Variants in NLRP1 observed in about 807,000 individuals in gnomAD.
NLRP1 encodes NACHT, LRR and PYD domains-containing protein 1.
NLRP1 carries 94 observed loss-of-function variants against 136.7 expected under a neutral mutation model. The ratio of observed to expected loss-of-function variants is 0.69; its 90% CI spans 0.58 to 0.82. The LOEUF is 0.82. Among genes scored for constraint, NLRP1 ranks in the 40% least tolerant of loss-of-function variants. The probability of loss-of-function intolerance (pLI) is 0.00; values close to 1 mark genes in which losing one functional copy is unlikely to be tolerated. For synonymous variants in NLRP1, 690 were observed against 725.1 expected (o/e 0.95, Z 0.78); for missense variants, 1,575 against 1,802.7 (o/e 0.87, Z 2.29).
chr17:5,545,515 CACACACAG>C (rs1486494255), intron 5 of NLRP1, among the ~76,000 whole-genome samples: 1 of 139,098 alleles, frequency 7.2e-6, no homozygotes, highest in Non-Finnish European at 1.6e-5. Context: ...CACACACATA[CACACACAG>C]ACACAGACAC....
chr17:5,556,109 TCTCTCTAC>T (rs1250512258), intron 4 of NLRP1, among the ~76,000 whole-genome samples: 2 of 133,476 alleles, frequency 1.5e-5, no homozygotes, highest in Admixed American at 8.3e-5. Context: ...TCTCTGTCTC[TCTCTCTAC>T]ACACACACAC....
Position 5,559,567 on chromosome 17 carries a change from C to T in NLRP1, c.1129G>A (p.Val377Met), listed in dbSNP as rs1597460146. The change falls in exon 4 of 17, where the codon GTG (valine) becomes ATG (methionine). Residue 377 changes from valine to methionine, a missense_variant. Val to Met is a conservative substitution (Grantham distance 21, BLOSUM62 1). Coordinates refer to ENST00000572272, the MANE Select transcript of NLRP1 (RefSeq NM_033004.4). ...FSCRELAQSK[V>M]VSLAELIGKD... Reference sequence around the variant, plus strand: ...CCGATGAGCTCAGCGAGACTCACCACCTTGGACTGGGCCAGCTCTCTGCAG... The same window carrying T: ...CCGATGAGCTCAGCGAGACTCACCATCTTGGACTGGGCCAGCTCTCTGCAG... 6.2e-7 allele frequency: 1 copy of T among 1,614,226 alleles called. No homozygotes were observed. The highest frequency in any genetic ancestry group is 8.5e-7 in the Non-Finnish European group (1 of 1,180,050).
chr17:5,512,495 G>T, downstream of NLRP1: 1 of 672,722 alleles, frequency 1.5e-6, no homozygotes, highest in South Asian at 1.7e-5. Flanking sequence ...TTTGCCCCTT[G>T]TCTTTTAAAT....
chr17:5,551,379 T>G (rs1913338048), intron 5 of NLRP1, among the ~76,000 whole-genome samples: 1 of 152,222 alleles, frequency 6.6e-6, no homozygotes, highest in Non-Finnish European at 1.5e-5. Context: ...TTTTTAGCAT[T>G]GAATAATAGT....
At chr17:5,501,647 G>A (rs201323195) in exon 16 of NLRP1, 34 of 570,530 alleles carry the variant, frequency 6.0e-5, no homozygotes, top group Admixed American at 1.8e-4. Context: ...ACCCACAAAA[G>A]CAGGCATCCA....
downstream of NLRP1, among the ~76,000 whole-genome samples, chr17:5,511,632 G>A (rs1355117399): frequency 6.6e-6 from 1 of 152,144 alleles, no homozygotes; most frequent in African/African-American, 2.4e-5. Context: ...GGACTTGCTG[G>A]GATGAGGGAC....
At position 5,514,367 on chromosome 17, in the gene NLRP1, C is replaced by T. The variant is rs199698125; in HGVS notation, c.*387G>A. On this transcript the variant is annotated 3_prime_UTR_variant, in exon 17 of 17. Coordinates refer to ENST00000572272, the MANE Select transcript of NLRP1 (RefSeq NM_033004.4). ...CCAAGAATCCACGTGGCCTCCCACG[C>T]TGAACCCCAATTTTGGGGCTCACCC... The T allele has an allele frequency of 1.9e-5, 20 of 1,070,458 alleles. No individual in the cohort carries two copies. Among genetic ancestry groups the T allele is most frequent in the Non-Finnish European group, 2.3e-5 (20 of 880,370 alleles). The allele number at this position is 1,070,458 out of a possible 1,614,324, so 66.3% of individuals were successfully genotyped here. A position where few individuals can be genotyped will look rare whatever the true frequency, so the allele number is the denominator to read the frequency against.
In NLRP1 at chr17:5,560,613, G is replaced by T. The variant is rs143369307; in HGVS notation, c.653-570C>A. Among the ~76,000 whole-genome samples, 9 of 152,304 alleles carry T rather than the reference G, an allele frequency of 5.9e-5. No homozygotes were observed. In the East Asian group the frequency reaches 1.7e-3, roughly 29 times the overall value. ...ACTGGAGGATAGTTCTCCAGTCCAG[G>T]AGGTGCCCTTAGTGGATGACAGGTG... On this transcript the variant is annotated intron_variant, in intron 3 of 16. Coordinates refer to ENST00000572272, the MANE Select transcript of NLRP1 (RefSeq NM_033004.4).
chr17:5,570,066 A>G (rs546379425), intron 3 of NLRP1, among the ~76,000 whole-genome samples: 2 of 152,320 alleles, frequency 1.3e-5, no homozygotes, highest in African/African-American at 4.8e-5. Flanking sequence ...TTTGAAACCA[A>G]TTAGAACAAA....
intron 15 of NLRP1, among the ~76,000 whole-genome samples, chr17:5,506,902 C>CAAAA (rs199684717): frequency 3.4e-5 from 3 of 88,790 alleles, no homozygotes; most frequent in Non-Finnish European, 4.9e-5. Flanking sequence ...AACTCCATCT[C>CAAAA]AAAAAAAAAA....
At chr17:5,528,758 G>T (rs1378461733) in intron 12 of NLRP1, among the ~76,000 whole-genome samples, 1 of 151,506 alleles carries the variant, frequency 6.6e-6, no homozygotes, top group Non-Finnish European at 1.5e-5. Flanking sequence ...TGAACTACTG[G>T]GATGATACTA....
chr17:5,520,771 C>T, intron 14 of NLRP1, 110 bp downstream of exon 14: 1 of 1,049,546 alleles, frequency 9.5e-7, no homozygotes, highest in South Asian at 2.5e-5. Context: ...ACTTTCTGTT[C>T]AACCTCGATT....
chr17:5,547,815 T>G (rs771153193), intron 5 of NLRP1, among the ~76,000 whole-genome samples: 22 of 152,192 alleles, frequency 1.4e-4, no homozygotes, highest in Non-Finnish European at 2.9e-4. Context: ...TTACTCTGCC[T>G]GCTCAACTTC....
At chr17:5,531,910 G>T (rs1405598537) in intron 11 of NLRP1, among the ~76,000 whole-genome samples, 1 of 152,106 alleles carries the variant, frequency 6.6e-6, no homozygotes, top group Non-Finnish European at 1.5e-5. Context: ...ATATAACAAA[G>T]AAAATAAAAT....
rs186463831 is a variant in NLRP1, at chr17:5,504,793, C to T, written c.4070-2921G>A. The T allele has an allele frequency of 1.3e-4, 20 of 152,656 alleles. No individual in the cohort carries two copies. The highest frequency in any genetic ancestry group is 1.9e-4 in the East Asian group (1 of 5,194). The allele number at this position is 152,656 out of a possible 1,614,324, so 9.5% of individuals were successfully genotyped here. A position where few individuals can be genotyped will look rare whatever the true frequency, so the allele number is the denominator to read the frequency against. ...TGTGCCCTGTTAGCCTTTCCCAGGCCGCATTCTGGGCCTCACCCTGCAGCA... is the reference window on the plus strand; with the variant it reads ...TGTGCCCTGTTAGCCTTTCCCAGGCTGCATTCTGGGCCTCACCCTGCAGCA... On this transcript the variant is annotated intron_variant, in intron 15 of 15. Coordinates refer to the NLRP1 transcript ENST00000262467. This position sits in a 1 kb window ranked among gnomAD's most constrained non-coding sequence, Gnocchi z 4.4.
At position 5,525,889 on chromosome 17, in the gene NLRP1, T is replaced by C. The variant is rs112490601; in HGVS notation, c.3521-4103A>G. ...ATGCAGCTTGACCAATCTATCCACC[T>C]GGCTGTGGTGGTTCCTTCTGTTTCT... On this transcript the variant is annotated intron_variant, in intron 12 of 16. Transcript: ENST00000572272. 7.1e-3 allele frequency among the ~76,000 whole-genome samples: 1,087 copies of C among 152,320 alleles called. 14 individuals are homozygous for C. Among genetic ancestry groups the C allele is most frequent in the African/African-American group, 0.025 (1,043 of 41,564 alleles).
At chr17:5,518,169 A>C in intron 14 of NLRP1, 1 of 282,842 alleles carries the variant, frequency 3.5e-6, no homozygotes, top group Non-Finnish European at 6.7e-6. Flanking sequence ...CTTGAATCCA[A>C]ACCCTCATTT....
chr17:5,577,100 A>G (rs1038722116), intron 3 of NLRP1, among the ~76,000 whole-genome samples: 6 of 152,332 alleles, frequency 3.9e-5, no homozygotes, highest in South Asian at 2.1e-4. Flanking sequence ...TTAGGTATTG[A>G]TGGGATGTAT....
chr17:5,531,024 C>T (rs896671675), intron 11 of NLRP1, among the ~76,000 whole-genome samples: 5 of 152,098 alleles, frequency 3.3e-5, no homozygotes, highest in Admixed American at 2.0e-4. Flanking sequence ...ACTGTTTCTA[C>T]TATGTTGATG....
Sources: allele counts gnomAD v4.1 joint callset (sites outside exome capture counted in the v4.1 genomes callset), GRCh38; gene constraint gnomAD v4.1.1; non-coding constraint Gnocchi (gnomAD v3.1); transcripts MANE v1.5; gene names NCBI Gene and HGNC (gene_info 2026-07-23, HGNC 2026-07-21).